The following VPS36 variants were observed in gnomAD, a reference collection of about 807,000 sequenced individuals.
The protein encoded by VPS36 is vacuolar protein-sorting-associated protein 36.
A neutral mutation model predicts 63.5 loss-of-function variants in VPS36; 31 were observed. The observed-to-expected ratio is 0.49, with a 90% confidence interval of 0.37 to 0.66. The LOEUF (loss-of-function observed/expected upper bound fraction) is 0.66, where lower values mean the gene tolerates loss of function less well. Ranked by LOEUF, VPS36 falls within the 30% of genes least tolerant of loss-of-function variation. The pLI, the probability that VPS36 is intolerant of heterozygous loss-of-function variation, is 0.00. For missense variants in VPS36, 338 were observed against 463.7 expected (o/e 0.73, Z 2.49); for synonymous variants, 138 against 157.2 (o/e 0.88, Z 0.91).
At chr13:52,442,838 T>C (rs1958295191) in intron 1 of VPS36, among the ~76,000 whole-genome samples, 1 of 152,146 alleles carries the variant, frequency 6.6e-6, no homozygotes. Flanking sequence ...GACACACAAG[T>C]AGTGAAAGGG....
intron 1 of VPS36, among the ~76,000 whole-genome samples, chr13:52,446,155 A>G (rs953297661): frequency 1.3e-5 from 2 of 151,492 alleles, no homozygotes; most frequent in African/African-American, 2.4e-5. Flanking sequence ...AATCCCAGCT[A>G]CTGGGGAGGC....
intron 1 of VPS36, among the ~76,000 whole-genome samples, chr13:52,446,092 TA>T (rs1958339627): frequency 3.2e-5 from 4 of 126,796 alleles, no homozygotes; most frequent in Admixed American, 3.1e-4. Flanking sequence ...CTACTAAAAA[TA>T]AAAAATAAAA....
rs1055276956 is a variant in VPS36, at chr13:52,412,614, CAA to C, written c.*3214_*3215del. On this transcript the variant is annotated 3_prime_UTR_variant, in exon 14 of 14. Coordinates refer to ENST00000378060, the MANE Select transcript of VPS36 (RefSeq NM_016075.4). Reference sequence around the variant, plus strand: ...TGCTCACACAAAATTGCTATGTGTTCAAAAAAATGTTTTTTTTATTGAATTGA... The same window carrying C: ...TGCTCACACAAAATTGCTATGTGTTCAAAAATGTTTTTTTTATTGAATTGA... The C allele has an allele frequency of 7.9e-5, 12 of 152,012 alleles. No individual in the cohort carries two copies. Among genetic ancestry groups the C allele is most frequent in the Non-Finnish European group, 1.6e-4 (11 of 67,980 alleles). The allele number at this position is 152,012 out of a possible 1,614,324, so 9.4% of individuals were successfully genotyped here. A position where few individuals can be genotyped will look rare whatever the true frequency, so the allele number is the denominator to read the frequency against.
rs1395752428 is a variant in VPS36, at chr13:52,443,789, A to T, written c.97-1344T>A. Among the ~76,000 whole-genome samples, 4 of 152,154 alleles carry T rather than the reference A, an allele frequency of 2.6e-5. No homozygotes were observed. The East Asian group carries it at 7.7e-4, about 29-fold the overall frequency. On this transcript the variant is annotated intron_variant, in intron 1 of 13. Transcript: ENST00000378060. ...CAGGACCAAAACTTTAACCCTTACT[A>T]CTTGTTATTATGCCCTGAAAGTTAC...
At chr13:52,427,128 T>C in intron 7 of VPS36, 59 bp downstream of exon 7, 10 of 1,605,188 alleles carry the variant, frequency 6.2e-6, no homozygotes, top group Non-Finnish European at 8.5e-6. Flanking sequence ...GCTAACAAAA[T>C]ATATTTCAAA....
chr13:52,443,832 A>C (rs1008629831), intron 1 of VPS36, among the ~76,000 whole-genome samples: 1 of 152,216 alleles, frequency 6.6e-6, no homozygotes, highest in African/African-American at 2.4e-5. Context: ...AGCAAATTTT[A>C]GAGTTGGAAC....
At chr13:52,422,409 A>C (rs1958055933) in intron 10 of VPS36, among the ~76,000 whole-genome samples, 2 of 152,070 alleles carry the variant, frequency 1.3e-5, no homozygotes, top group African/African-American at 4.8e-5. Flanking sequence ...AAAAATGTTT[A>C]TTTTAGTTAG....
At chr13:52,443,303 A>C (rs537178177) in intron 1 of VPS36, among the ~76,000 whole-genome samples, 2 of 152,234 alleles carry the variant, frequency 1.3e-5, no homozygotes, top group Non-Finnish European at 2.9e-5. Context: ...TTAAACAAAA[A>C]CCCCCAAATT....
intron 8 of VPS36, 93 bp from the exon 9 acceptor site, chr13:52,426,159 T>G (rs1459847792): frequency 1.4e-6 from 2 of 1,468,684 alleles, no homozygotes; most frequent in Admixed American, 3.8e-5. Context: ...CAATTATGTC[T>G]ACATATCCCC....
chr13:52,427,717 T>C (rs947524563), intron 6 of VPS36, among the ~76,000 whole-genome samples: 1 of 152,072 alleles, frequency 6.6e-6, no homozygotes, highest in Non-Finnish European at 1.5e-5. Context: ...TAAAAAACCA[T>C]ACATTTTCCA....
chr13:52,439,881 C>T (rs1335401770), intron 2 of VPS36, among the ~76,000 whole-genome samples: 1 of 152,150 alleles, frequency 6.6e-6, no homozygotes, highest in African/African-American at 2.4e-5. Context: ...ATGACTTTCT[C>T]TTCTTTATAA....
At chr13:52,430,508 T>C (rs912996551) in intron 6 of VPS36, among the ~76,000 whole-genome samples, 6 of 152,030 alleles carry the variant, frequency 3.9e-5, no homozygotes, top group Non-Finnish European at 8.8e-5. Context: ...GGCACGCACC[T>C]GTAGTCCCAG....
At chr13:52,434,257 C>A (rs1958190439) in intron 5 of VPS36, among the ~76,000 whole-genome samples, 1 of 152,194 alleles carries the variant, frequency 6.6e-6, no homozygotes, top group Non-Finnish European at 1.5e-5. Context: ...AGTGAGTGAA[C>A]CCTACCTTCT....
At chr13:52,426,943 T>C (rs1361190289) in intron 8 of VPS36, 46 bp downstream of exon 8, 5 of 1,335,828 alleles carry the variant, frequency 3.7e-6, no homozygotes, top group Non-Finnish European at 5.3e-6. Flanking sequence ...CCTTACTGCA[T>C]TGTGTTATCT....
At chr13:52,432,133 C>T (rs9568735) in intron 6 of VPS36, among the ~76,000 whole-genome samples, 3,175 of 152,260 alleles carry the variant, frequency 0.021, 64 homozygotes, top group East Asian at 0.064. Flanking sequence ...CGGCGGATCA[C>T]GAGGTCAGAA....
At chr13:52,429,715 A>G (rs1243281780) in intron 6 of VPS36, among the ~76,000 whole-genome samples, 1 of 152,250 alleles carries the variant, frequency 6.6e-6, no homozygotes, top group Admixed American at 6.5e-5. Context: ...ACTCCAAAAA[A>G]ATTAGACTGA....
chr13:52,414,832 A>G lies in VPS36; in HGVS notation c.*998T>C, dbSNP rs1007320589. 1 of 152,166 alleles carries G rather than the reference A, an allele frequency of 6.6e-6. No individual in the cohort carries two copies. Among genetic ancestry groups the G allele is most frequent in the African/African-American group, 2.4e-5 (1 of 41,430 alleles). 9.4% of individuals were successfully genotyped at this position (152,166 alleles called of 1,614,324 possible). A position where few individuals can be genotyped will look rare whatever the true frequency, so the allele number is the denominator to read the frequency against. The stretch of plus-strand genomic sequence containing the variant: ...AAGTCAGGCAGTCACTTTAAAACCT[A>G]AGCAATCTACATGCAGTATTAGCCA... On this transcript the variant is annotated 3_prime_UTR_variant, in exon 14 of 14. Coordinates refer to ENST00000378060, the MANE Select transcript of VPS36 (RefSeq NM_016075.4).
chr13:52,415,712 T>C lies in VPS36; in HGVS notation c.*118A>G, dbSNP rs772642985. Reference sequence around the variant, plus strand: ...AGTGAGAAATTAAAAGAGATTTACATTGCACTGTGAAGTTCCAATAAATTC... The same window carrying C: ...AGTGAGAAATTAAAAGAGATTTACACTGCACTGTGAAGTTCCAATAAATTC... On this transcript the variant is annotated 3_prime_UTR_variant, in exon 14 of 14. Transcript: ENST00000378060. 1.1e-5 allele frequency: 10 copies of C among 939,640 alleles called. No individual in the cohort carries two copies. The highest frequency in any genetic ancestry group is 1.3e-5 in the Non-Finnish European group (8 of 603,094). The allele number at this position is 939,640 out of a possible 1,614,324, so 58.2% of individuals were successfully genotyped here.
intron 2 of VPS36, among the ~76,000 whole-genome samples, chr13:52,441,742 A>G (rs1349651879): frequency 3.3e-5 from 5 of 150,084 alleles, no homozygotes; most frequent in African/African-American, 9.8e-5. Flanking sequence ...AAAGAGCGAG[A>G]CTCCATCTCA....
Sources: gnomAD v4.1 joint callset for allele counts (sites outside exome capture counted in the v4.1 genomes callset) on GRCh38, gnomAD v4.1.1 for gene constraint, MANE v1.5 for transcripts, NCBI Gene and HGNC (gene_info 2026-07-23, HGNC 2026-07-21) for gene names.